EIF4ENIF1: variants seen among roughly 807,000 people sequenced by gnomAD.
EIF4ENIF1 encodes the protein eukaryotic translation initiation factor 4E transporter.
Under a neutral mutation model 110.5 loss-of-function variants are expected in EIF4ENIF1, and 23 were observed. The observed-to-expected ratio is 0.21, with a 90% CI of 0.15 to 0.29. EIF4ENIF1 has a LOEUF of 0.29. Among genes scored for constraint, EIF4ENIF1 ranks in the 10% least tolerant of loss-of-function variants. The pLI, the probability that EIF4ENIF1 is intolerant of heterozygous loss-of-function variation, is 1.00. For missense variants in EIF4ENIF1, 1,031 were observed against 1,221.1 expected (o/e 0.84, Z 2.32); for synonymous variants, 440 against 437.0 (o/e 1.01, Z -0.09).
Position 31,489,002 on chromosome 22 carries a change from C to G in EIF4ENIF1, c.-27-257G>C, listed in dbSNP as rs924769927. 1.1e-5 allele frequency: 4 copies of G among 355,140 alleles called. No homozygotes were observed. In the South Asian group the frequency reaches 1.3e-4, roughly 12 times the overall value. The allele number at this position is 355,140 out of a possible 1,614,324, so 22.0% of individuals were successfully genotyped here. A position where few individuals can be genotyped will look rare whatever the true frequency, so the allele number is the denominator to read the frequency against. ...TTCAAGGTATATAACCTTTAAGCAG[C>G]TTTAACACAAGAGAAACCAAGATTA... On this transcript the variant is annotated intron_variant, in intron 1 of 18. Coordinates refer to ENST00000330125, the MANE Select transcript of EIF4ENIF1 (RefSeq NM_019843.4).
chr22:31,479,687 GTT>G (rs11321585), intron 2 of EIF4ENIF1, among the ~76,000 whole-genome samples: 2,267 of 124,802 alleles, frequency 0.018, 15 homozygotes, highest in Middle Eastern at 0.03. Context: ...TTGGAAAGGT[GTT>G]TTTTTTTTTT....
chr22:31,477,375 C>A (rs5749282), intron 2 of EIF4ENIF1, among the ~76,000 whole-genome samples: 34,894 of 67,048 alleles, frequency 0.52, 7,613 homozygotes, highest in East Asian at 0.8. Flanking sequence ...AAAAAAAAAA[C>A]AAAAAAAACA....
intron 4 of EIF4ENIF1, among the ~76,000 whole-genome samples, chr22:31,464,645 T>C (rs1248102684): frequency 2.6e-5 from 3 of 115,800 alleles, no homozygotes; most frequent in Non-Finnish European, 5.0e-5. Flanking sequence ...CGCTACACTG[T>C]AGCCTGGGCA....
Position 31,464,689 on chromosome 22 carries a change from A to T in EIF4ENIF1, c.299-722T>A, listed in dbSNP as rs866838167. ...AGATTCAGTCTCAAAAAAAAAAAAA[A>T]AAAAAAAAAAATATATATATATATA... On this transcript the variant is annotated intron_variant, in intron 4 of 18. Transcript: ENST00000330125. Among the ~76,000 whole-genome samples the T allele has an allele frequency of 3.1e-3, 144 of 46,192 alleles. 3 individuals are homozygous for T. Among genetic ancestry groups the T allele is most frequent in the Admixed American group, 9.0e-3 (40 of 4,430 alleles). The allele number at this position is 46,192 out of a possible 152,430, so 30.3% of individuals were successfully genotyped here. A position where few individuals can be genotyped will look rare whatever the true frequency, so the allele number is the denominator to read the frequency against.
At position 31,463,957 on chromosome 22, in the gene EIF4ENIF1, C is replaced by A. The variant is rs754071116; in HGVS notation, c.309G>T (p.Glu103Asp). ...CATCTAAGTCATCTTCTTTCACACG[C>A]TCTCGTGGATCTGGAAGGACGTGGG... ...SLVRRIVDPR[E>D]RVKEDDLDVV... Residue 103 changes from glutamate (E) to aspartate (D), a missense_variant, in exon 5 of 19, where the codon GAG (glutamate) becomes GAT (aspartate). By Grantham distance (45) the Glu-to-Asp change is conservative. This residue lies in a region of EIF4ENIF1 where 704 missense variants were observed against 879.7 expected (regional missense o/e 0.80). Transcript: ENST00000330125. The A allele has an allele frequency of 6.2e-7, 1 of 1,611,992 alleles. No individual in the cohort carries two copies. The highest frequency in any genetic ancestry group is 8.5e-7 in the Non-Finnish European group (1 of 1,179,318).
chr22:31,463,651 TAAAAAAA>T lies in EIF4ENIF1; in HGVS notation c.585+23_585+29del, dbSNP rs71319194. 16 of 1,334,092 alleles carry T rather than the reference TAAAAAAA, an allele frequency of 1.2e-5. No individual in the cohort carries two copies. In the South Asian group the frequency reaches 1.5e-4, roughly 12 times the overall value. 82.6% of individuals were successfully genotyped at this position (1,334,092 alleles called of 1,614,324 possible). On this transcript the variant is annotated intron_variant, in intron 5 of 18. Transcript: ENST00000330125. ...ACAAGAGCGAAACTCCGTCTCAATT[TAAAAAAA>T]AAAAAAAAAAAAAAAGACAAACCCT... is the stretch of plus-strand genomic sequence containing the variant.
rs377466384 is a variant in EIF4ENIF1, at chr22:31,478,949, CA to C, written c.97-7033del. Among the ~76,000 whole-genome samples the C allele has an allele frequency of 9.5e-3, 850 of 89,238 alleles. 3 individuals carry two copies. Among genetic ancestry groups the C allele is most frequent in the Middle Eastern group, 0.023 (3 of 132 alleles). 58.5% of individuals were successfully genotyped at this position (89,238 alleles called of 152,430 possible). A position where few individuals can be genotyped will look rare whatever the true frequency, so the allele number is the denominator to read the frequency against. ...CCTGGGTGACACAGAGAGACTGTTTCAAAAAAAAAAAAAAAAAAAGTTTGCT... is the reference window on the plus strand; with the variant it reads ...CCTGGGTGACACAGAGAGACTGTTTCAAAAAAAAAAAAAAAAAAGTTTGCT... On this transcript the variant is annotated intron_variant, in intron 2 of 18. Transcript: ENST00000330125.
chr22:31,458,566 A>G lies in EIF4ENIF1; in HGVS notation c.872T>C (p.Val291Ala). ...LAQEPAADQE[V>A]PRDAVLPEQS... Reference sequence around the variant, plus strand: ...CTCAGGCAAGACAGCATCCCTTGGCACTTCCTGATCAGCCGCAGGCTCCTG... The same window carrying G: ...CTCAGGCAAGACAGCATCCCTTGGCGCTTCCTGATCAGCCGCAGGCTCCTG... The change falls in exon 7 of 19, where the codon GTG becomes GCG. Residue 291 changes from valine to alanine, a missense_variant. By Grantham distance (64) the Val-to-Ala change is moderately conservative (BLOSUM62 0). Transcript: ENST00000330125. 6.2e-7 allele frequency: 1 copy of G among 1,613,936 alleles called. No individual in the cohort carries two copies. Among genetic ancestry groups the G allele is most frequent in the Non-Finnish European group, 8.5e-7 (1 of 1,179,846 alleles).
In EIF4ENIF1 at chr22:31,444,655, T is replaced by A. The variant is rs766374456; in HGVS notation, c.2024A>T (p.His675Leu). The change falls in exon 15 of 19, where the codon CAT becomes CTT. Residue 675 changes from histidine (H) to leucine (L), a missense_variant. Physicochemically the swap from His to Leu is moderately conservative, Grantham distance 99 (BLOSUM62 -3). Transcript: ENST00000330125. ...GGCAGGGGAAGAGGAATTCCCTCGA[T>A]GCACGGGTGCTGGTGACTTGGTCAC... ...QRVTKSPAPVHRGNSSSPAPA... is the reference protein window; with the variant it reads ...QRVTKSPAPVLRGNSSSPAPA... 6.2e-7 allele frequency: 1 copy of A among 1,614,152 alleles called. No homozygotes were observed.
At chr22:31,471,692 A>C in intron 3 of EIF4ENIF1, 152 bp downstream of exon 3, 1 of 676,586 alleles carries the variant, frequency 1.5e-6, no homozygotes, top group Non-Finnish European at 2.5e-6. Flanking sequence ...ATTCCTAGGT[A>C]GTTGAAACCC....
chr22:31,476,471 CAA>C (rs1011594795), intron 2 of EIF4ENIF1, among the ~76,000 whole-genome samples: 15 of 151,680 alleles, frequency 9.9e-5, no homozygotes, highest in African/African-American at 3.6e-4. Context: ...GACGAGGAAT[CAA>C]AAAATACTTT....
At chr22:31,464,012 T>TG in intron 4 of EIF4ENIF1, 45 bp from the exon 5 acceptor site, 3 of 1,569,842 alleles carry the variant, frequency 1.9e-6, no homozygotes, top group Non-Finnish European at 2.6e-6. Flanking sequence ...CCAACAAGGG[T>TG]GTTTTCTTCT....
Position 31,454,374 on chromosome 22 carries a change from G to C in EIF4ENIF1, c.1282C>G (p.His428Asp). 6.2e-7 allele frequency: 1 copy of C among 1,613,862 alleles called. No homozygotes were observed. The part of the protein sequence containing the change: ...ANKEKLKESS[H>D]SGVVLSVEEV... ...TCCACTGAAAGCACAACCCCTGAATGTGCTGAGAAGTTGAGAACGTCCAGG... is the reference window on the plus strand; with the variant it reads ...TCCACTGAAAGCACAACCCCTGAATCTGCTGAGAAGTTGAGAACGTCCAGG... Residue 428 changes from histidine to aspartate, a missense_variant and splice_region_variant, in exon 10 of 19, where the codon CAT becomes GAT. This residue lies in a region of EIF4ENIF1 where 704 missense variants were observed against 879.7 expected (regional missense o/e 0.80). Transcript: ENST00000330125.
rs139385337 is a variant in EIF4ENIF1 at position 31,458,677 on chromosome 22, G to A, written c.788-27C>T. On this transcript the variant is annotated intron_variant, in intron 6 of 18. Coordinates refer to ENST00000330125, the MANE Select transcript of EIF4ENIF1 (RefSeq NM_019843.4). Reference sequence around the variant, plus strand: ...TGAAAGCAAAACCAGGACAAAAACCGTCTGATAAGTAAATCACTCCAGTGT... The same window carrying A: ...TGAAAGCAAAACCAGGACAAAAACCATCTGATAAGTAAATCACTCCAGTGT... 1.0e-4 allele frequency: 158 copies of A among 1,547,370 alleles called. No homozygotes were observed. In the African/African-American group the frequency reaches 1.4e-3, roughly 14 times the overall value.
intron 2 of EIF4ENIF1, among the ~76,000 whole-genome samples, chr22:31,482,309 T>G (rs1601652451): frequency 6.6e-6 from 1 of 152,156 alleles, no homozygotes; most frequent in African/African-American, 2.4e-5. Flanking sequence ...AACTGGCAGG[T>G]GACAGTCATT....
At chr22:31,450,684 C>G (rs1322205130) in intron 10 of EIF4ENIF1, 1 of 312,206 alleles carries the variant, frequency 3.2e-6, no homozygotes, top group Non-Finnish European at 6.2e-6. Flanking sequence ...TGAGATAACT[C>G]TTGCTACCCA....
rs938224483 is a variant in EIF4ENIF1 at position 31,440,821 on chromosome 22, C to T, written c.2599G>A (p.Gly867Ser). The T allele has an allele frequency of 6.2e-7, 1 of 1,613,830 alleles. No homozygotes were observed. Among genetic ancestry groups the T allele is most frequent in the South Asian group, 1.1e-5 (1 of 91,076 alleles). ...MDLSHLQGIS[G>S]PILGQPFYPL... is the part of the protein sequence containing the mutation. ...TAAAAGGGCTGACCCAGGATGGGGCCAGATATTCCCTGTAAATGACTCAAG... is the reference window on the plus strand; with the variant it reads ...TAAAAGGGCTGACCCAGGATGGGGCTAGATATTCCCTGTAAATGACTCAAG... Residue 867 changes from glycine to serine, a missense_variant, in exon 18 of 19, where the codon GGC (glycine) becomes AGC (serine). Coordinates refer to ENST00000330125, the MANE Select transcript of EIF4ENIF1 (RefSeq NM_019843.4).
In EIF4ENIF1 at chr22:31,447,476, A is replaced by G; in HGVS notation, c.1938T>C (p.Pro646=). The change falls in exon 14 of 19, where the codon CCT becomes CCC. Residue 646 remains proline, a synonymous_variant. Coordinates refer to ENST00000330125, the MANE Select transcript of EIF4ENIF1 (RefSeq NM_019843.4). ...LAVQAANFYQ[P]GFGKPQVDRT... is the part of the protein sequence containing the mutation. ...TGTCCACCTGTGGTTTGCCAAAACCAGGCTGGTAGAAGTTTGCTGCCTGTA... is the reference window on the plus strand; with the variant it reads ...TGTCCACCTGTGGTTTGCCAAAACCGGGCTGGTAGAAGTTTGCTGCCTGTA... 2 of 1,613,374 alleles carry G rather than the reference A, an allele frequency of 1.2e-6. No homozygotes were observed. The highest frequency in any genetic ancestry group is 1.7e-6 in the Non-Finnish European group (2 of 1,179,802).
chr22:31,451,430 C>T (rs1274903982), intron 10 of EIF4ENIF1, among the ~76,000 whole-genome samples: 6 of 151,898 alleles, frequency 4.0e-5, no homozygotes, highest in Non-Finnish European at 5.9e-5. Flanking sequence ...CATGCCACCA[C>T]GCCCAGCTAA....
Sources: gnomAD v4.1 joint callset for allele counts (sites outside exome capture counted in the v4.1 genomes callset) on GRCh38, gnomAD v4.1.1 for gene constraint, gnomAD v4.1.1 regional missense constraint, MANE v1.5 for transcripts, NCBI Gene and HGNC (gene_info 2026-07-23, HGNC 2026-07-21) for gene names.